The following KDM4C variants were observed in gnomAD, a reference collection of about 807,000 sequenced individuals.
KDM4C encodes the protein lysine-specific demethylase 4C.
KDM4C carries 81 observed loss-of-function variants against 129.3 expected under a neutral mutation model. That is an observed-to-expected ratio of 0.63 (90% CI 0.52 to 0.75). The LOEUF (loss-of-function observed/expected upper bound fraction) is 0.75, where lower values mean the gene tolerates loss of function less well. Among genes scored for constraint, KDM4C ranks in the 30% least tolerant of loss-of-function variants. The pLI is 0.00. For synonymous variants in KDM4C, 573 were observed against 456.1 expected (o/e 1.26, Z -3.26); for missense variants, 1,457 against 1,304.0 (o/e 1.12, Z -1.81).
At chr9:6,975,987 G>A (rs1159515639) in intron 8 of KDM4C, among the ~76,000 whole-genome samples, 10 of 152,232 alleles carry the variant, frequency 6.6e-5, no homozygotes, top group African/African-American at 2.2e-4. Flanking sequence ...GCAGTGAGCC[G>A]AGATTGCGCC....
At chr9:6,926,200 G>T (rs1822486606) in intron 8 of KDM4C, among the ~76,000 whole-genome samples, 1 of 147,404 alleles carries the variant, frequency 6.8e-6, no homozygotes, top group Non-Finnish European at 1.5e-5. Flanking sequence ...CCTTCTTCCA[G>T]GAAAACATTT....
chr9:7,103,678 C>G lies in KDM4C; in HGVS notation c.2425-7C>G, dbSNP rs774021369. 89 of 1,608,378 alleles carry G rather than the reference C, an allele frequency of 5.5e-5. 1 individual carries two copies. In the South Asian group the frequency reaches 7.1e-4, roughly 13 times the overall value. Reference sequence around the variant, plus strand: ...AATTGATGTTCTTCTCTGTTTTAACCTTCCAGAAATGCATCTTCTGCAGAC... The same window carrying G: ...AATTGATGTTCTTCTCTGTTTTAACGTTCCAGAAATGCATCTTCTGCAGAC... On this transcript the variant is annotated splice_region_variant and splice_polypyrimidine_tract_variant and intron_variant, in intron 17 of 21. Coordinates refer to ENST00000381309, the MANE Select transcript of KDM4C (RefSeq NM_015061.6).
intron 4 of KDM4C, among the ~76,000 whole-genome samples, chr9:6,815,895 ATCTG>A (rs1831999978): frequency 1.3e-5 from 2 of 152,094 alleles, no homozygotes; most frequent in African/African-American, 2.4e-5. Context: ...CTCTGTTTCT[ATCTG>A]TCTGTCTTTC....
At position 7,122,265 on chromosome 9, in the gene KDM4C, A is replaced by ACACACTCTCTCT. The variant is rs375655422; in HGVS notation, c.2611-5800_2611-5799insACACTCTCTCTC. On this transcript the variant is annotated intron_variant, in intron 18 of 21. Transcript: ENST00000381309. ...CACACACACACACACACACACACAC[A>ACACACTCTCTCT]CTCTCTCTCTCTCTCTCTCTTAAAC... 2.1e-3 allele frequency among the ~76,000 whole-genome samples: 310 copies of ACACACTCTCTCT among 144,808 alleles called. 3 individuals carry two copies. Among genetic ancestry groups the ACACACTCTCTCT allele is most frequent in the Admixed American group, 7.0e-3 (101 of 14,402 alleles). The allele number at this position is 144,808 out of a possible 152,430, so 95.0% of individuals were successfully genotyped here.
At chr9:7,025,456 T>G (rs1414275995) in intron 15 of KDM4C, among the ~76,000 whole-genome samples, 1 of 152,254 alleles carries the variant, frequency 6.6e-6, no homozygotes, top group East Asian at 1.9e-4. Flanking sequence ...TCATTTCTTT[T>G]ATTGAAGGTG....
At chr9:6,767,410 G>C (rs926212419) in intron 1 of KDM4C, among the ~76,000 whole-genome samples, 8 of 151,864 alleles carry the variant, frequency 5.3e-5, no homozygotes, top group Admixed American at 2.0e-4. Flanking sequence ...CAAAGTGTTG[G>C]GATTACAGGC....
At position 6,866,904 on chromosome 9, in the gene KDM4C, C is replaced by CATAT. The variant is rs141311036; in HGVS notation, c.630-13092_630-13089dup. Among the ~76,000 whole-genome samples, 1,130 of 131,056 alleles carry CATAT rather than the reference C, an allele frequency of 8.6e-3. 10 individuals are homozygous for CATAT. Among genetic ancestry groups the CATAT allele is most frequent in the African/African-American group, 0.023 (841 of 36,118 alleles). 86.0% of individuals were successfully genotyped at this position (131,056 alleles called of 152,430 possible). A position where few individuals can be genotyped will look rare whatever the true frequency, so the allele number is the denominator to read the frequency against. ...TGACTTGGTGCTGTATATATATATA[C>CATAT]ATATATATATATATATATAGAAAAA... On this transcript the variant is annotated intron_variant, in intron 5 of 21. Coordinates refer to ENST00000381309, the MANE Select transcript of KDM4C (RefSeq NM_015061.6).
At chr9:6,935,563 G>C (rs1039970851) in intron 8 of KDM4C, among the ~76,000 whole-genome samples, 2 of 150,674 alleles carry the variant, frequency 1.3e-5, no homozygotes, top group Non-Finnish European at 3.0e-5. Flanking sequence ...GATTACAGGT[G>C]CGCGCCACCA....
intron 19 of KDM4C, among the ~76,000 whole-genome samples, chr9:7,134,992 T>A (rs1343249999): frequency 6.6e-6 from 1 of 152,208 alleles, no homozygotes; most frequent in Non-Finnish European, 1.5e-5. Context: ...TTTTATTTCC[T>A]TTTGTGTAAC....
chr9:7,113,760 T>C (rs966834180), intron 18 of KDM4C, among the ~76,000 whole-genome samples: 2 of 152,220 alleles, frequency 1.3e-5, no homozygotes, highest in Admixed American at 6.5e-5. Flanking sequence ...ATTATGTTGA[T>C]CAATCTTCAA....
intron 4 of KDM4C, among the ~76,000 whole-genome samples, chr9:6,845,838 A>G (rs1284550476): frequency 1.3e-5 from 2 of 152,220 alleles, no homozygotes; most frequent in African/African-American, 4.8e-5. Context: ...GTTTTGTTCG[A>G]GGGAGACAGA....
At chr9:6,817,287 G>A (rs1832290554) in intron 4 of KDM4C, among the ~76,000 whole-genome samples, 1 of 138,686 alleles carries the variant, frequency 7.2e-6, no homozygotes, top group Admixed American at 8.5e-5. Flanking sequence ...CTGCAGCCTT[G>A]ACCTCCTGGG....
rs561954714 is a variant in KDM4C at position 7,020,939 on chromosome 9, C to T, written c.2259+5010C>T. On this transcript the variant is annotated intron_variant, in intron 15 of 21. Coordinates refer to ENST00000381309, the MANE Select transcript of KDM4C (RefSeq NM_015061.6). ...TTTTTTTTTTTTTGTACCCATTAAC[C>T]ATTCCCATTCCCCTCACCCCCACCA... is the stretch of plus-strand genomic sequence containing the variant. 1.6e-3 allele frequency among the ~76,000 whole-genome samples: 228 copies of T among 145,900 alleles called. 1 individual carries two copies. The highest frequency in any genetic ancestry group is 2.7e-3 in the Non-Finnish European group (178 of 66,686).
At chr9:7,072,689 G>T (rs1207978151) in intron 17 of KDM4C, among the ~76,000 whole-genome samples, 1 of 152,200 alleles carries the variant, frequency 6.6e-6, no homozygotes, top group Non-Finnish European at 1.5e-5. Flanking sequence ...CTTGATTGTG[G>T]TGGAGGTACA....
intron 19 of KDM4C, among the ~76,000 whole-genome samples, chr9:7,130,363 C>T (rs1395480077): frequency 6.6e-6 from 1 of 152,184 alleles, no homozygotes; most frequent in African/African-American, 2.4e-5. Flanking sequence ...CCTGGAATGT[C>T]TTTACATTGG....
upstream of KDM4C, among the ~76,000 whole-genome samples, chr9:6,753,860 A>G (rs1818154663): frequency 6.8e-6 from 1 of 147,070 alleles, no homozygotes; most frequent in Non-Finnish European, 1.5e-5. Flanking sequence ...TATTACTATC[A>G]TTGAATTCTT....
At chr9:7,029,062 A>C (rs1251339627) in intron 15 of KDM4C, among the ~76,000 whole-genome samples, 1 of 152,098 alleles carries the variant, frequency 6.6e-6, no homozygotes, top group Non-Finnish European at 1.5e-5. Flanking sequence ...GATGGTTGTT[A>C]AATTTGGTGT....
intron 4 of KDM4C, among the ~76,000 whole-genome samples, chr9:6,817,118 G>A (rs1324251079): frequency 1.3e-5 from 2 of 151,160 alleles, no homozygotes. Flanking sequence ...TAACACGAGG[G>A]TTGGGATTTG....
intron 17 of KDM4C, among the ~76,000 whole-genome samples, chr9:7,068,220 G>T (rs887735010): frequency 6.6e-5 from 10 of 152,168 alleles, no homozygotes; most frequent in Non-Finnish European, 1.3e-4. Flanking sequence ...ACATATATGT[G>T]AATCTGTTTT....
Sources: gnomAD v4.1 joint callset for allele counts (sites outside exome capture counted in the v4.1 genomes callset) on GRCh38, gnomAD v4.1.1 for gene constraint, MANE v1.5 for transcripts, NCBI Gene and HGNC (gene_info 2026-07-23, HGNC 2026-07-21) for gene names.